MTA3: variants seen among roughly 807,000 people sequenced by gnomAD.
MTA3 encodes metastasis-associated protein MTA3.
MTA3 carries 34 observed loss-of-function variants against 83.5 expected under a neutral mutation model. That is an observed-to-expected ratio of 0.41 (90% confidence interval 0.31 to 0.54). The LOEUF (loss-of-function observed/expected upper bound fraction) is 0.54. Ranked by LOEUF, MTA3 falls within the 20% of genes least tolerant of loss-of-function variation. The probability of loss-of-function intolerance (pLI) is 0.33; values close to 1 mark genes in which losing one functional copy is unlikely to be tolerated. For synonymous variants in MTA3, 303 were observed against 252.7 expected (o/e 1.20, Z -1.89); for missense variants, 761 against 726.4 (o/e 1.05, Z -0.55).
chr2:42,574,634 T>G (rs1558448423), intron 2 of MTA3, among the ~76,000 whole-genome samples: 1 of 151,940 alleles, frequency 6.6e-6, no homozygotes, highest in Admixed American at 6.6e-5. Flanking sequence ...AGACAGGGTT[T>G]CACCATGTTG....
chr2:42,549,403 GTATATAA>G (rs1676978733), intron 2 of MTA3, among the ~76,000 whole-genome samples: 2 of 109,220 alleles, frequency 1.8e-5, no homozygotes, highest in Non-Finnish European at 3.4e-5. Flanking sequence ...TTATATATAC[GTATATAA>G]TATATATTAT....
At chr2:42,592,434 A>AT (rs1203740740) in intron 3 of MTA3, among the ~76,000 whole-genome samples, 1 of 152,052 alleles carries the variant, frequency 6.6e-6, no homozygotes, top group East Asian at 1.9e-4. Context: ...ATATTTAAAA[A>AT]TTAGCCGGGT....
chr2:42,725,770 C>G (rs932445642), intron 16 of MTA3, among the ~76,000 whole-genome samples: 1 of 152,196 alleles, frequency 6.6e-6, no homozygotes, highest in African/African-American at 2.4e-5. Flanking sequence ...TTCCTACCTC[C>G]CTGCTCCAGC....
chr2:42,532,110 GCCATAAT>G lies in MTA3; in HGVS notation c.-141+36860_-141+36866del, dbSNP rs2103723831. ...GAGTATTAAACTTTCCCTGAGCTTA[GCCATAAT>G]CCAATAGATAACGTTCCACTTATTT... is the stretch of plus-strand genomic sequence containing the variant. On this transcript the variant is annotated intron_variant, in intron 2 of 17. Coordinates refer to the MTA3 transcript ENST00000405592. Among the ~76,000 whole-genome samples, 9 of 152,310 alleles carry G rather than the reference GCCATAAT, an allele frequency of 5.9e-5. No homozygotes were observed. The East Asian group carries it at 1.7e-3, about 29-fold the overall frequency.
chr2:42,512,873 C>T (rs1249720964), intron 2 of MTA3, among the ~76,000 whole-genome samples: 1 of 152,148 alleles, frequency 6.6e-6, no homozygotes, highest in African/African-American at 2.4e-5. Context: ...TCACCCTAGT[C>T]ACCAACTCAA....
chr2:42,542,480 T>C (rs1362561305), intron 2 of MTA3, among the ~76,000 whole-genome samples: 2 of 152,312 alleles, frequency 1.3e-5, no homozygotes, highest in African/African-American at 4.8e-5. Context: ...ATATTAACCG[T>C]CACACGTACA....
chr2:42,730,358 T>C (rs1454193362), intron 16 of MTA3, among the ~76,000 whole-genome samples: 2 of 152,248 alleles, frequency 1.3e-5, no homozygotes, highest in African/African-American at 2.4e-5. Flanking sequence ...GGATCTGTTA[T>C]ATATGGCTTT....
intron 4 of MTA3, among the ~76,000 whole-genome samples, chr2:42,632,091 GTT>G (rs35447248): frequency 3.2e-5 from 4 of 125,188 alleles, no homozygotes; most frequent in Non-Finnish European, 3.2e-5. Flanking sequence ...CAGCTGCTGG[GTT>G]TTTTTTTTTT....
At chr2:42,505,951 T>C (rs1051897387) in intron 2 of MTA3, among the ~76,000 whole-genome samples, 11 of 151,746 alleles carry the variant, frequency 7.2e-5, no homozygotes, top group Admixed American at 7.2e-4. Flanking sequence ...GAAATTTTAA[T>C]AGAGCGTTTC....
chr2:42,652,838 A>G (rs942756413), intron 6 of MTA3, among the ~76,000 whole-genome samples: 8 of 152,194 alleles, frequency 5.3e-5, no homozygotes, highest in African/African-American at 1.9e-4. Context: ...TTTCAGGACA[A>G]TATTGAGCAA....
intron 2 of MTA3, among the ~76,000 whole-genome samples, chr2:42,515,150 C>G (rs1462766137): frequency 6.6e-6 from 1 of 151,840 alleles, no homozygotes; most frequent in Non-Finnish European, 1.5e-5. Context: ...GCTCTGCCTC[C>G]CGGGTTCAAG....
Position 42,516,606 on chromosome 2 carries a change from G to A in MTA3, c.-141+21352G>A, listed in dbSNP as rs142579752. On this transcript the variant is annotated intron_variant, in intron 2 of 17. Transcript: ENST00000405592. The stretch of plus-strand genomic sequence containing the variant: ...GAAAGAAGGAAATGGCTCACCGGCG[G>A]GAACTTAGGTCTAGACTTGGAACTA... Among the ~76,000 whole-genome samples, 5 of 152,306 alleles carry A rather than the reference G, an allele frequency of 3.3e-5. No homozygotes were observed. The East Asian group carries it at 9.6e-4, about 29-fold the overall frequency.
intron 7 of MTA3, among the ~76,000 whole-genome samples, chr2:42,656,769 C>T (rs1689208115): frequency 1.3e-5 from 2 of 152,190 alleles, no homozygotes; most frequent in Non-Finnish European, 2.9e-5. Context: ...CTTCCTTCCT[C>T]CCCTTTTCTT....
At chr2:42,697,601 A>C (rs1392359632) in intron 10 of MTA3, among the ~76,000 whole-genome samples, 175 bp from the exon 11 acceptor site, 1 of 152,204 alleles carries the variant, frequency 6.6e-6, no homozygotes, top group African/African-American at 2.4e-5. Flanking sequence ...CACAGAATCT[A>C]GTGACTTTTC....
At chr2:42,601,614 C>G (rs1355900688) in intron 3 of MTA3, among the ~76,000 whole-genome samples, 1 of 152,198 alleles carries the variant, frequency 6.6e-6, no homozygotes, top group African/African-American at 2.4e-5. Flanking sequence ...TCTTGAACTT[C>G]CAGGCTCAAG....
chr2:42,710,409 G>A (rs979749460), intron 14 of MTA3, among the ~76,000 whole-genome samples: 2 of 152,074 alleles, frequency 1.3e-5, no homozygotes, highest in African/African-American at 2.4e-5. Context: ...AAATTAGCCA[G>A]GCGTGGTGGC....
chr2:42,657,291 C>G (rs1689258972), intron 7 of MTA3, among the ~76,000 whole-genome samples: 1 of 152,140 alleles, frequency 6.6e-6, no homozygotes, highest in South Asian at 2.1e-4. Flanking sequence ...GTTCATAGAG[C>G]CAGTCACCAT....
At chr2:42,628,308 G>A (rs1446114912) in intron 4 of MTA3, among the ~76,000 whole-genome samples, 2 of 151,700 alleles carry the variant, frequency 1.3e-5, no homozygotes, top group African/African-American at 4.8e-5. Context: ...TTGGCTCACT[G>A]CAACCTCCAC....
intron 11 of MTA3, chr2:42,703,768 T>TA (rs1665811089): frequency 6.4e-6 from 1 of 156,506 alleles, no homozygotes; most frequent in African/African-American, 2.4e-5. Flanking sequence ...CGGGCGCCTG[T>TA]AATCCCAGCT....
Sources: allele counts gnomAD v4.1 joint callset (sites outside exome capture counted in the v4.1 genomes callset), GRCh38; gene constraint gnomAD v4.1.1; transcripts MANE v1.5; gene names NCBI Gene and HGNC (gene_info 2026-07-23, HGNC 2026-07-21).